Variants in CADM2 observed in about 807,000 individuals in gnomAD.
CADM2 encodes the protein immunoglobulin superfamily member 4D.
Under a neutral mutation model 49.8 loss-of-function variants are expected in CADM2, and 12 were observed. The ratio of observed to expected loss-of-function variants is 0.24; its 90% CI spans 0.15 to 0.39. CADM2 has a LOEUF of 0.39. CADM2 is among the 10% of genes least tolerant of loss of function. CADM2 has a pLI of 1.00. For synonymous variants in CADM2, 214 were observed against 175.4 expected, an observed-to-expected ratio of 1.22 and a Z score of -1.74; for missense variants, 378 against 492.3, an observed-to-expected ratio of 0.77 and a Z score of 2.20.
intron 1 of CADM2, among the ~76,000 whole-genome samples, chr3:85,268,320 G>A (rs1297554568): frequency 1.3e-5 from 2 of 151,090 alleles, no homozygotes. Flanking sequence ...ACTATATTTG[G>A]ATTAAAATGA....
chr3:85,910,664 T>A (rs1430093460), intron 5 of CADM2, among the ~76,000 whole-genome samples: 1 of 152,114 alleles, frequency 6.6e-6, no homozygotes, highest in African/African-American at 2.4e-5. Context: ...GACTTCATGG[T>A]TCTGTTCTTC....
intron 1 of CADM2, among the ~76,000 whole-genome samples, chr3:85,526,480 G>A (rs2061161418): frequency 2.0e-5 from 3 of 152,116 alleles, no homozygotes; most frequent in Non-Finnish European, 4.4e-5. Flanking sequence ...CAAAACAAAA[G>A]CGTAATGCTA....
In CADM2 at chr3:85,343,627, G is replaced by T. The variant is rs570849278; in HGVS notation, c.62-382895G>T. Among the ~76,000 whole-genome samples the T allele has an allele frequency of 2.6e-5, 4 of 152,276 alleles. No homozygotes were observed. The South Asian group carries it at 8.3e-4, about 32-fold the overall frequency. On this transcript the variant is annotated intron_variant, in intron 1 of 9. Transcript: ENST00000383699. ...CTGCTTCAGGTTCATGCTAGGAATT[G>T]TAGACTAAAAAGAAAACGAGGTTTG...
In CADM2 at chr3:86,069,519, A is replaced by G. The variant is rs1157224232; in HGVS notation, c.*2736A>G. On this transcript the variant is annotated 3_prime_UTR_variant, in exon 10 of 10. Coordinates refer to ENST00000383699, the MANE Select transcript of CADM2 (RefSeq NM_001167675.2). ...TTTAATTTTCAACCAAACAAAAAAT[A>G]AATTGTAAAAATTATGCTCATTTCT... 6.6e-5 allele frequency: 10 copies of G among 152,152 alleles called. No homozygotes were observed. The East Asian group carries it at 1.5e-3, about 23-fold the overall frequency. The allele number at this position is 152,152 out of a possible 1,614,324, so 9.4% of individuals were successfully genotyped here.
At chr3:85,884,304 G>T (rs1432043356) in intron 4 of CADM2, among the ~76,000 whole-genome samples, 1 of 152,130 alleles carries the variant, frequency 6.6e-6, no homozygotes, top group East Asian at 1.9e-4. Context: ...GCATTTAAAA[G>T]GACTAACACA....
chr3:86,011,651 G>A (rs1257134901), intron 8 of CADM2, among the ~76,000 whole-genome samples: 3 of 152,092 alleles, frequency 2.0e-5, no homozygotes, highest in Non-Finnish European at 2.9e-5. Flanking sequence ...AGAAGTCCTT[G>A]CACAATTGGG....
intron 1 of CADM2, among the ~76,000 whole-genome samples, chr3:85,681,291 A>G (rs1483916959): frequency 6.6e-6 from 1 of 152,160 alleles, no homozygotes; most frequent in Non-Finnish European, 1.5e-5. Context: ...TGAGATTTAC[A>G]GTTCATTAGG....
intron 1 of CADM2, among the ~76,000 whole-genome samples, chr3:85,190,706 G>A (rs575771987): frequency 2.0e-5 from 3 of 152,222 alleles, no homozygotes; most frequent in South Asian, 2.1e-4. Flanking sequence ...ACATCAATCC[G>A]AATCTCTGAA....
chr3:85,898,937 GTATATA>G lies in CADM2; in HGVS notation c.529+12624_529+12629del, dbSNP rs1553704342. 1.3e-3 allele frequency among the ~76,000 whole-genome samples: 63 copies of G among 46,698 alleles called. 1 individual carries two copies. Among genetic ancestry groups the G allele is most frequent in the African/African-American group, 5.9e-3 (51 of 8,704 alleles). 30.6% of individuals were successfully genotyped at this position (46,698 alleles called of 152,430 possible). ...TCATAAAATCCAATTCATTTATTGT[GTATATA>G]TATATATATATATTTTTTTTTTTTT... On this transcript the variant is annotated intron_variant, in intron 5 of 9. Transcript: ENST00000383699.
At chr3:85,467,315 C>A (rs1399011529) in intron 1 of CADM2, among the ~76,000 whole-genome samples, 1 of 152,032 alleles carries the variant, frequency 6.6e-6, no homozygotes, top group Non-Finnish European at 1.5e-5. Context: ...TATTAAACTT[C>A]TTTTTGTATC....
At chr3:85,872,886 AT>A (rs1005280593) in intron 3 of CADM2, among the ~76,000 whole-genome samples, 1 of 152,004 alleles carries the variant, frequency 6.6e-6, no homozygotes, top group African/African-American at 2.4e-5. Context: ...CTTCTTATCA[AT>A]TTGAATGTCA....
At chr3:85,826,978 G>A (rs190552934) in intron 3 of CADM2, among the ~76,000 whole-genome samples, 1 of 151,880 alleles carries the variant, frequency 6.6e-6, no homozygotes, top group Non-Finnish European at 1.5e-5. Flanking sequence ...AGGAACTGTT[G>A]AGTTCTTTGT....
intron 1 of CADM2, among the ~76,000 whole-genome samples, chr3:85,387,367 A>G (rs980920801): frequency 6.6e-6 from 1 of 152,188 alleles, no homozygotes. Flanking sequence ...TAATTCTGTT[A>G]AATTGTTTAC....
chr3:85,806,390 A>T (rs1322316734), intron 3 of CADM2, among the ~76,000 whole-genome samples: 1 of 152,182 alleles, frequency 6.6e-6, no homozygotes, highest in Admixed American at 6.5e-5. Context: ...GTAGCATTTC[A>T]TGCTACCTGG....
chr3:85,152,150 C>A (rs1268162894), intron 1 of CADM2, among the ~76,000 whole-genome samples: 2 of 152,126 alleles, frequency 1.3e-5, no homozygotes, highest in East Asian at 3.9e-4. Flanking sequence ...TATTACTTCA[C>A]TTTTCAGCTT....
chr3:86,065,935 T>A (rs1739258526), intron 9 of CADM2, among the ~76,000 whole-genome samples: 1 of 152,164 alleles, frequency 6.6e-6, no homozygotes, highest in South Asian at 2.1e-4. Flanking sequence ...GTTTAGCCAA[T>A]GGCCAGATGT....
intron 1 of CADM2, among the ~76,000 whole-genome samples, chr3:85,458,870 A>T (rs2038113597): frequency 6.6e-6 from 1 of 152,206 alleles, no homozygotes; most frequent in African/African-American, 2.4e-5. Context: ...CATAGTATTA[A>T]AAGGAAGGCA....
At chr3:85,914,624 T>C (rs564571306) in intron 6 of CADM2, among the ~76,000 whole-genome samples, 109 of 152,256 alleles carry the variant, frequency 7.2e-4, no homozygotes, top group African/African-American at 2.6e-3. Context: ...TAAAAATCAG[T>C]CATAAGAACT....
intron 1 of CADM2, among the ~76,000 whole-genome samples, chr3:85,006,712 C>CAT (rs1176170187): frequency 6.6e-6 from 1 of 152,020 alleles, no homozygotes; most frequent in East Asian, 1.9e-4. Flanking sequence ...TATATAATCT[C>CAT]ATTTTCACCA....
Sources: gnomAD v4.1 joint callset for allele counts (sites outside exome capture counted in the v4.1 genomes callset) on GRCh38, gnomAD v4.1.1 for gene constraint, MANE v1.5 for transcripts, NCBI Gene and HGNC (gene_info 2026-07-23, HGNC 2026-07-21) for gene names.